MTUS2: variants seen among roughly 807,000 people sequenced by gnomAD.
MTUS2 encodes the protein microtubule associated scaffold protein 2.
Under a neutral mutation model 114.1 loss-of-function variants are expected in MTUS2, and 40 were observed. That is an observed-to-expected ratio of 0.35 (90% confidence interval 0.27 to 0.46). The LOEUF (loss-of-function observed/expected upper bound fraction) is 0.46, where lower values mean the gene tolerates loss of function less well. Ranked by LOEUF, MTUS2 falls within the 20% of genes least tolerant of loss-of-function variation. MTUS2 has a pLI of 1.00. For synonymous variants in MTUS2, 688 were observed against 672.0 expected (o/e 1.02, Z -0.37); for missense variants, 1,679 against 1,705.4 (o/e 0.98, Z 0.27).
chr13:28,866,339 G>GC (rs1877297526), intron 2 of MTUS2, among the ~76,000 whole-genome samples: 1 of 152,176 alleles, frequency 6.6e-6, no homozygotes, highest in South Asian at 2.1e-4. Flanking sequence ...AGGTATCAGA[G>GC]CATCCTTTTC....
At chr13:29,319,790 C>G (rs1035243724) in intron 6 of MTUS2, among the ~76,000 whole-genome samples, 4 of 151,954 alleles carry the variant, frequency 2.6e-5, no homozygotes, top group African/African-American at 7.3e-5. Flanking sequence ...AGAGTCTGCA[C>G]TGGGGGAAAG....
Position 28,831,597 on chromosome 13 carries a change from A to G in MTUS2, c.-315-8181A>G, listed in dbSNP as rs531026805. On this transcript the variant is annotated intron_variant, in intron 1 of 15. Transcript: ENST00000612955. ...AAGGGATCAATTTCTCAGGAAGTCA[A>G]ATATGAGCATGCATGTATTTAACAA... Among the ~76,000 whole-genome samples, 15 of 152,298 alleles carry G rather than the reference A, an allele frequency of 9.8e-5. 1 individual carries two copies. The highest frequency in any genetic ancestry group is 2.2e-4 in the Non-Finnish European group (15 of 68,006).
rs932996520 is a variant in MTUS2, at chr13:29,100,955, G to A, written c.2629G>A (p.Gly877Ser). Residue 877 changes from glycine (G) to serine (S), a missense_variant, in exon 5 of 16, where the codon GGC becomes AGC. Transcript: ENST00000612955. ...QSGDSAQPEQGRPATRSTFGN... is the reference protein window; with the variant it reads ...QSGDSAQPEQSRPATRSTFGN... Reference sequence around the variant, plus strand: ...CGGGGACAGTGCACAGCCAGAGCAGGGCCGGCCAGCCACCCGTAAGTGGGG... The same window carrying A: ...CGGGGACAGTGCACAGCCAGAGCAGAGCCGGCCAGCCACCCGTAAGTGGGG... The A allele has an allele frequency of 1.9e-6, 3 of 1,565,804 alleles. No individual in the cohort carries two copies. Among genetic ancestry groups the A allele is most frequent in the African/African-American group, 2.7e-5 (2 of 73,996 alleles).
chr13:28,867,685 A>T (rs935078878), intron 2 of MTUS2, among the ~76,000 whole-genome samples: 8 of 152,230 alleles, frequency 5.3e-5, no homozygotes, highest in African/African-American at 1.9e-4. Context: ...TCTAGCAGAG[A>T]GTGCAGCATT....
intron 5 of MTUS2, among the ~76,000 whole-genome samples, chr13:29,148,048 C>A (rs1309299319): frequency 6.6e-6 from 1 of 152,178 alleles, no homozygotes; most frequent in Non-Finnish European, 1.5e-5. Flanking sequence ...AATTAATTTA[C>A]ATTCCCACCA....
At chr13:29,089,268 C>T (rs926489839) in intron 4 of MTUS2, among the ~76,000 whole-genome samples, 3 of 152,074 alleles carry the variant, frequency 2.0e-5, no homozygotes, top group African/African-American at 7.2e-5. Context: ...TTTAAGGATG[C>T]TAAATATAGG....
chr13:28,996,485 C>G (rs9506067), intron 2 of MTUS2, among the ~76,000 whole-genome samples: 83,681 of 151,886 alleles, frequency 0.55, 23,503 homozygotes, highest in East Asian at 0.73. Flanking sequence ...AGCAGCTCCT[C>G]CTTGTACCTC....
At chr13:29,002,185 A>G (rs753188232) in intron 2 of MTUS2, among the ~76,000 whole-genome samples, 1 of 152,348 alleles carries the variant, frequency 6.6e-6, no homozygotes, top group South Asian at 2.1e-4. Context: ...GGGCTGTATT[A>G]TACATACGTC....
intron 2 of MTUS2, among the ~76,000 whole-genome samples, chr13:28,841,676 GT>G (rs140099375): frequency 2.0e-5 from 3 of 149,900 alleles, no homozygotes; most frequent in East Asian, 2.0e-4. Context: ...GTGTGTGTGT[GT>G]TTTTTTTTGT....
chr13:29,254,900 C>T (rs1897244504), intron 5 of MTUS2, among the ~76,000 whole-genome samples: 1 of 152,142 alleles, frequency 6.6e-6, no homozygotes, highest in Non-Finnish European at 1.5e-5. Context: ...GGACTTCTTG[C>T]TTTTTTGCTT....
intron 5 of MTUS2, among the ~76,000 whole-genome samples, chr13:29,136,130 A>G (rs1891967766): frequency 6.6e-6 from 1 of 152,188 alleles, no homozygotes; most frequent in Admixed American, 6.5e-5. Context: ...TATGGCTTCA[A>G]GTTACTGTCT....
At position 29,110,879 on chromosome 13, in the gene MTUS2, G is replaced by A. The variant is rs182505865; in HGVS notation, c.2644+9909G>A. ...ATGTTTAATGAAGAAAAGATACCTG[G>A]AGCTATGGAAATCGTATTTTAGAAA... On this transcript the variant is annotated intron_variant, in intron 5 of 15. Transcript: ENST00000612955. Among the ~76,000 whole-genome samples the A allele has an allele frequency of 9.9e-5, 15 of 152,250 alleles. 1 individual carries two copies. Among genetic ancestry groups the A allele is most frequent in the Non-Finnish European group, 4.4e-5 (3 of 68,024 alleles).
chr13:29,119,789 C>T (rs1891233146), intron 5 of MTUS2, among the ~76,000 whole-genome samples: 1 of 152,096 alleles, frequency 6.6e-6, no homozygotes, highest in Non-Finnish European at 1.5e-5. Flanking sequence ...CTTATTTAGT[C>T]CACCAATTTA....
At chr13:29,427,862 T>G (rs188348047) in intron 8 of MTUS2, among the ~76,000 whole-genome samples, 79 of 152,346 alleles carry the variant, frequency 5.2e-4, no homozygotes, top group African/African-American at 1.9e-3. Context: ...TGTAAATATT[T>G]GCTTCTTTTA....
At chr13:29,286,479 C>G (rs1431967362) in intron 6 of MTUS2, among the ~76,000 whole-genome samples, 1 of 152,092 alleles carries the variant, frequency 6.6e-6, no homozygotes, top group Non-Finnish European at 1.5e-5. Context: ...TATATAATAG[C>G]ATGGTAAAAT....
intron 5 of MTUS2, among the ~76,000 whole-genome samples, chr13:29,187,869 C>A (rs1314430085): frequency 6.6e-6 from 1 of 152,088 alleles, no homozygotes; most frequent in African/African-American, 2.4e-5. Context: ...TGTCTTCATT[C>A]ATAATGTGTC....
At chr13:29,157,089 G>T (rs1892892802) in intron 5 of MTUS2, among the ~76,000 whole-genome samples, 1 of 151,994 alleles carries the variant, frequency 6.6e-6, no homozygotes, top group Non-Finnish European at 1.5e-5. Flanking sequence ...TTTTATTGCT[G>T]CCCAAACTCC....
rs990015372 is a variant in MTUS2, at chr13:29,174,306, A to G, written c.2644+73336A>G. Among the ~76,000 whole-genome samples, 5 of 152,092 alleles carry G rather than the reference A, an allele frequency of 3.3e-5. No homozygotes were observed. In the East Asian group the frequency reaches 7.7e-4, roughly 23 times the overall value. On this transcript the variant is annotated intron_variant, in intron 5 of 15. Coordinates refer to ENST00000612955, the MANE Select transcript of MTUS2 (RefSeq NM_001033602.4). ...TCAAGAAACCAATTTCCTGACCACA[A>G]AAGAAGGAGGGTCCCCTGGCAGTTT... is the stretch of plus-strand genomic sequence containing the variant.
In MTUS2 at chr13:29,501,018, A is replaced by G. The variant is rs931180810; in HGVS notation, c.3799-79A>G. The G allele has an allele frequency of 9.3e-6, 10 of 1,079,130 alleles. No homozygotes were observed. In the East Asian group the frequency reaches 9.6e-5, roughly 10 times the overall value. The allele number at this position is 1,079,130 out of a possible 1,614,324, so 66.8% of individuals were successfully genotyped here. On this transcript the variant is annotated intron_variant, in intron 14 of 15. Transcript: ENST00000612955. ...AAATGCTGTTCTTGATAATCCTCCAATGCCCAGAGCTGAGGGCACCGGTTT... is the reference window on the plus strand; with the variant it reads ...AAATGCTGTTCTTGATAATCCTCCAGTGCCCAGAGCTGAGGGCACCGGTTT...
Sources: allele counts gnomAD v4.1 joint callset (sites outside exome capture counted in the v4.1 genomes callset), GRCh38; gene constraint gnomAD v4.1.1; transcripts MANE v1.5; gene names NCBI Gene and HGNC (gene_info 2026-07-23, HGNC 2026-07-21).